Variants in LRRC7 observed in about 807,000 individuals in gnomAD.
LRRC7 encodes leucine-rich repeat-containing protein 7.
Under a neutral mutation model 175.7 loss-of-function variants are expected in LRRC7, and 23 were observed. That is an observed-to-expected ratio of 0.13 (90% CI 0.09 to 0.19). The LOEUF (loss-of-function observed/expected upper bound fraction) is 0.19, where lower values mean the gene tolerates loss of function less well. LRRC7 is among the 10% of genes least tolerant of loss of function. The probability of loss-of-function intolerance (pLI) is 1.00; values close to 1 mark genes in which losing one functional copy is unlikely to be tolerated. For missense variants in LRRC7, 1,354 were observed against 1,904.7 expected (o/e 0.71, Z 5.38); for synonymous variants, 685 against 680.9 (o/e 1.01, Z -0.09).
intron 4 of LRRC7, among the ~76,000 whole-genome samples, chr1:69,794,737 C>G (rs1004287034): frequency 6.6e-6 from 1 of 152,076 alleles, no homozygotes; most frequent in Non-Finnish European, 1.5e-5. Context: ...ACATGAAACT[C>G]CTAAATAATT....
At chr1:69,885,533 G>A (rs1169868564) in intron 7 of LRRC7, among the ~76,000 whole-genome samples, 4 of 139,534 alleles carry the variant, frequency 2.9e-5, no homozygotes, top group Non-Finnish European at 6.0e-5. Flanking sequence ...CTTGCTAGCA[G>A]TCTATCAGTT....
intron 7 of LRRC7, among the ~76,000 whole-genome samples, chr1:69,892,167 C>T (rs943701114): frequency 7.9e-5 from 12 of 152,106 alleles, no homozygotes; most frequent in African/African-American, 2.9e-4. Flanking sequence ...AGTTATATTT[C>T]AACTATTGGA....
At chr1:69,725,760 A>G (rs887604362) in intron 2 of LRRC7, among the ~76,000 whole-genome samples, 38 of 152,312 alleles carry the variant, frequency 2.5e-4, no homozygotes, top group Middle Eastern at 6.8e-3. Context: ...ATGGCCAGAG[A>G]GAGACTACAA....
chr1:70,057,733 T>A (rs1661261632), intron 23 of LRRC7, among the ~76,000 whole-genome samples: 1 of 152,172 alleles, frequency 6.6e-6, no homozygotes, highest in African/African-American at 2.4e-5. Context: ...TTTTGGTTAC[T>A]CATGGCCATG....
In LRRC7 at chr1:69,878,783, A is replaced by G. The variant is rs532571456; in HGVS notation, c.647+40500A>G. Among the ~76,000 whole-genome samples the G allele has an allele frequency of 2.7e-5, 4 of 150,520 alleles. No homozygotes were observed. In the East Asian group the frequency reaches 5.8e-4, roughly 22 times the overall value. On this transcript the variant is annotated intron_variant, in intron 7 of 26. Coordinates refer to ENST00000651989, the MANE Select transcript of LRRC7 (RefSeq NM_001370785.2). ...GCAGTGAAGACTCTCTGCATGATGG[A>G]TAATGATACTATATATATAAATAAA...
At chr1:69,931,638 G>A in intron 8 of LRRC7, 68 bp downstream of exon 8, 2 of 1,263,416 alleles carry the variant, frequency 1.6e-6, no homozygotes, top group Non-Finnish European at 2.3e-6. Flanking sequence ...CTCTGTCTTT[G>A]TAAACCAAGG....
intron 8 of LRRC7, among the ~76,000 whole-genome samples, chr1:69,953,341 A>T (rs1557926293): frequency 6.6e-6 from 1 of 152,076 alleles, no homozygotes; most frequent in Non-Finnish European, 1.5e-5. Flanking sequence ...CAAATACAGC[A>T]CTTTCTCCAA....
chr1:69,785,653 AT>A (rs1483488587), intron 3 of LRRC7, among the ~76,000 whole-genome samples: 1 of 152,028 alleles, frequency 6.6e-6, no homozygotes, highest in African/African-American at 2.4e-5. Context: ...CATACACTTT[AT>A]TTCTATTTTT....
chr1:69,671,875 G>A (rs956528341), intron 1 of LRRC7, among the ~76,000 whole-genome samples: 64 of 152,230 alleles, frequency 4.2e-4, no homozygotes, highest in African/African-American at 1.4e-3. Context: ...GCCGCTGCTG[G>A]GGGATGGGGC....
intron 22 of LRRC7, among the ~76,000 whole-genome samples, chr1:70,050,183 A>G (rs1660646639): frequency 6.6e-6 from 1 of 152,074 alleles, no homozygotes; most frequent in Non-Finnish European, 1.5e-5. Flanking sequence ...ATAGATATAG[A>G]GAAAGAGGCA....
chr1:70,135,844 C>T lies in LRRC7; in HGVS notation c.*13957C>T, dbSNP rs1369383777. Among the ~76,000 whole-genome samples the T allele has an allele frequency of 1.3e-5, 2 of 152,150 alleles. No individual in the cohort carries two copies. Among genetic ancestry groups the T allele is most frequent in the Admixed American group, 1.3e-4 (2 of 15,266 alleles). ...CCAGTTTTGGGATATAAATCTTCAG[C>T]CATACTTGTAGAATCGTTTGACTAA... On this transcript the variant is annotated 3_prime_UTR_variant, in exon 27 of 27. Coordinates refer to ENST00000651989, the MANE Select transcript of LRRC7 (RefSeq NM_001370785.2).
At chr1:69,662,152 A>G (rs1475010346) in intron 1 of LRRC7, among the ~76,000 whole-genome samples, 1 of 152,202 alleles carries the variant, frequency 6.6e-6, no homozygotes, top group African/African-American at 2.4e-5. Context: ...CTAAACCCAC[A>G]GGTCTTATCC....
In LRRC7 at chr1:69,792,036, AT is replaced by A. The variant is rs1557734969; in HGVS notation, c.304-5del. ...GAGATCTAATTAATGATTATTTTCTATTACAGCAATTGTTCAACTGTCAAGC... is the reference window on the plus strand; with the variant it reads ...GAGATCTAATTAATGATTATTTTCTATACAGCAATTGTTCAACTGTCAAGC... On this transcript the variant is annotated splice_polypyrimidine_tract_variant and splice_region_variant and intron_variant, in intron 3 of 26. Coordinates refer to ENST00000651989, the MANE Select transcript of LRRC7 (RefSeq NM_001370785.2). The A allele has an allele frequency of 6.6e-7, 1 of 1,522,688 alleles. No homozygotes were observed. Among genetic ancestry groups the A allele is most frequent in the Non-Finnish European group, 9.0e-7 (1 of 1,106,612 alleles). The allele number at this position is 1,522,688 out of a possible 1,614,324, so 94.3% of individuals were successfully genotyped here. A position where few individuals can be genotyped will look rare whatever the true frequency, so the allele number is the denominator to read the frequency against.
chr1:69,701,465 G>C (rs1663343980), intron 2 of LRRC7, among the ~76,000 whole-genome samples: 1 of 152,112 alleles, frequency 6.6e-6, no homozygotes, highest in Non-Finnish European at 1.5e-5. Context: ...TTGAATGACT[G>C]AATTAGTGAA....
chr1:69,879,963 A>G (rs1180224858), intron 7 of LRRC7: 1 of 152,194 alleles, frequency 6.6e-6, no homozygotes, highest in East Asian at 1.9e-4. Flanking sequence ...TAAAGTAACA[A>G]GGAGCTATTT....
intron 2 of LRRC7, among the ~76,000 whole-genome samples, chr1:69,723,002 T>A (rs553877231): frequency 6.6e-6 from 1 of 152,248 alleles, no homozygotes; most frequent in East Asian, 1.9e-4. Flanking sequence ...TTTATGTTAG[T>A]TTTTACCATC....
intron 26 of LRRC7, among the ~76,000 whole-genome samples, chr1:70,120,391 A>C (rs1666132139): frequency 6.6e-6 from 1 of 151,972 alleles, no homozygotes; most frequent in African/African-American, 2.4e-5. Flanking sequence ...GTATTTTTTT[A>C]CTGGCAGATT....
At position 70,138,613 on chromosome 1, in the gene LRRC7, G is replaced by A. The variant is rs1256704315; in HGVS notation, c.*16726G>A. ...GAAAGTTGAGAGGATTAATCAAATT[G>A]TTTCAAAATTTTTAAGGAGCCAAAT... On this transcript the variant is annotated 3_prime_UTR_variant, in exon 27 of 27. Coordinates refer to ENST00000651989, the MANE Select transcript of LRRC7 (RefSeq NM_001370785.2). The A allele has an allele frequency of 6.6e-6, 1 of 152,156 alleles. No homozygotes were observed. The highest frequency in any genetic ancestry group is 2.4e-5 in the African/African-American group (1 of 41,444). The allele number at this position is 152,156 out of a possible 1,614,324, so 9.4% of individuals were successfully genotyped here.
chr1:69,691,342 TC>T (rs1468967564), intron 2 of LRRC7, among the ~76,000 whole-genome samples: 2 of 152,204 alleles, frequency 1.3e-5, no homozygotes, highest in Non-Finnish European at 2.9e-5. Flanking sequence ...GTGTTTTATC[TC>T]GTTGTTTGCA....
Sources: allele counts gnomAD v4.1 joint callset (sites outside exome capture counted in the v4.1 genomes callset), GRCh38; gene constraint gnomAD v4.1.1; transcripts MANE v1.5; gene names NCBI Gene and HGNC (gene_info 2026-07-23, HGNC 2026-07-21).